The following TOX variants were observed in gnomAD, a reference collection of about 807,000 sequenced individuals.
TOX encodes thymocyte selection associated high mobility group box.
A neutral mutation model predicts 53.7 loss-of-function variants in TOX; 11 were observed. That is an observed-to-expected ratio of 0.20 (90% CI 0.13 to 0.34). TOX has a LOEUF of 0.34. TOX is among the 10% of genes least tolerant of loss of function. The probability of loss-of-function intolerance (pLI) is 1.00; values close to 1 mark genes in which losing one functional copy is unlikely to be tolerated. For synonymous variants in TOX, 225 were observed against 245.3 expected, an observed-to-expected ratio of 0.92 and a Z score of 0.77; for missense variants, 570 against 664.6, an observed-to-expected ratio of 0.86 and a Z score of 1.56.
At chr8:58,982,244 T>C (rs1327041033) in intron 1 of TOX, among the ~76,000 whole-genome samples, 2 of 152,162 alleles carry the variant, frequency 1.3e-5, no homozygotes, top group Non-Finnish European at 2.9e-5. Flanking sequence ...CATCCTAGTC[T>C]TCAAGACAGG....
intron 1 of TOX, among the ~76,000 whole-genome samples, chr8:59,065,234 C>A (rs373320456): frequency 2.7e-3 from 406 of 152,028 alleles, no homozygotes; most frequent in African/African-American, 8.6e-3. Flanking sequence ...ACAACAACAA[C>A]AAAAAAACCA....
intron 5 of TOX, among the ~76,000 whole-genome samples, chr8:58,832,637 T>C (rs954438689): frequency 2.6e-5 from 4 of 152,146 alleles, no homozygotes; most frequent in African/African-American, 9.7e-5. Flanking sequence ...GCTCTTCATA[T>C]CCCTGCTGCT....
intron 3 of TOX, among the ~76,000 whole-genome samples, chr8:58,922,426 A>G (rs1466070483): frequency 6.6e-6 from 1 of 152,214 alleles, no homozygotes; most frequent in Non-Finnish European, 1.5e-5. Flanking sequence ...ACCTGCTTCT[A>G]TGGAATCCCT....
At chr8:59,110,067 C>T (rs1204968356) in intron 1 of TOX, among the ~76,000 whole-genome samples, 1 of 152,068 alleles carries the variant, frequency 6.6e-6, no homozygotes, top group Non-Finnish European at 1.5e-5. Context: ...TAATTTATTT[C>T]AAAAAGCTTA....
intron 1 of TOX, among the ~76,000 whole-genome samples, chr8:59,073,217 T>C (rs1396756369): frequency 6.6e-6 from 1 of 152,170 alleles, no homozygotes; most frequent in Non-Finnish European, 1.5e-5. Context: ...CTTGGGAACA[T>C]GTAAACCTCT....
chr8:58,842,297 G>C (rs1157097206), intron 4 of TOX, among the ~76,000 whole-genome samples: 1 of 152,022 alleles, frequency 6.6e-6, no homozygotes, highest in Non-Finnish European at 1.5e-5. Flanking sequence ...CAATAGGCTG[G>C]GGTCCTGGAT....
At chr8:58,884,712 T>C (rs536726824) in intron 3 of TOX, among the ~76,000 whole-genome samples, 1 of 152,308 alleles carries the variant, frequency 6.6e-6, no homozygotes, top group East Asian at 1.9e-4. Context: ...GAATTACTAC[T>C]GTCCTTATAA....
intron 1 of TOX, among the ~76,000 whole-genome samples, chr8:59,086,150 T>A (rs1226006473): frequency 6.6e-6 from 1 of 151,944 alleles, no homozygotes; most frequent in Non-Finnish European, 1.5e-5. Flanking sequence ...CATGTCCAGC[T>A]AATTTTGTGT....
chr8:58,826,978 T>C (rs1810376778), intron 5 of TOX, 76 bp from the exon 6 acceptor site: 2 of 1,083,936 alleles, frequency 1.8e-6, no homozygotes, highest in Non-Finnish European at 2.7e-6. Flanking sequence ...TATAGAATGA[T>C]AACTGCACAC....
Position 58,928,807 on chromosome 8 carries a change from G to T in TOX, c.411+10495C>A, listed in dbSNP as rs183108947. Among the ~76,000 whole-genome samples the T allele has an allele frequency of 1.9e-4, 29 of 152,136 alleles. 1 individual carries two copies. Among genetic ancestry groups the T allele is most frequent in the African/African-American group, 6.7e-4 (28 of 41,512 alleles). On this transcript the variant is annotated intron_variant, in intron 3 of 8. Coordinates refer to ENST00000361421, the MANE Select transcript of TOX (RefSeq NM_014729.3). ...TCCATAGCATTTGCAAGTTTCATAC[G>T]GTATGAATTATGATCCTATCTCCAT...
chr8:59,016,729 G>A (rs1484855184), intron 1 of TOX, among the ~76,000 whole-genome samples: 5 of 152,164 alleles, frequency 3.3e-5, no homozygotes, highest in Non-Finnish European at 7.4e-5. Context: ...TATTCAAATG[G>A]ATCCAAACTA....
At chr8:59,090,990 GT>G (rs1804598274) in intron 1 of TOX, among the ~76,000 whole-genome samples, 1 of 152,098 alleles carries the variant, frequency 6.6e-6, no homozygotes, top group Non-Finnish European at 1.5e-5. Flanking sequence ...ACTCCAGCAG[GT>G]TTTCCCATGT....
chr8:58,860,693 A>G (rs1810996733), intron 3 of TOX, among the ~76,000 whole-genome samples: 2 of 152,204 alleles, frequency 1.3e-5, no homozygotes, highest in South Asian at 4.1e-4. Context: ...CCCTGGGATA[A>G]GCAGGGCAGC....
intron 2 of TOX, among the ~76,000 whole-genome samples, chr8:58,952,225 C>T (rs1424049489): frequency 6.6e-6 from 1 of 152,178 alleles, no homozygotes; most frequent in African/African-American, 2.4e-5. Flanking sequence ...AAAACTGCTT[C>T]TACTTAACAT....
chr8:58,832,759 C>A lies in TOX; in HGVS notation c.924+5322G>T, dbSNP rs571251392. Among the ~76,000 whole-genome samples the A allele has an allele frequency of 9.1e-4, 139 of 152,304 alleles. 1 individual carries two copies. The highest frequency in any genetic ancestry group is 3.1e-3 in the African/African-American group (129 of 41,556). On this transcript the variant is annotated intron_variant, in intron 5 of 8. Coordinates refer to ENST00000361421, the MANE Select transcript of TOX (RefSeq NM_014729.3). Reference sequence around the variant, plus strand: ...GAAAGAATGAGTAGGAAATTACATTCTTCCCACTTGTGTCAGATCTGCCCT... The same window carrying A: ...GAAAGAATGAGTAGGAAATTACATTATTCCCACTTGTGTCAGATCTGCCCT...
chr8:59,042,492 A>G (rs1803609300), intron 1 of TOX, among the ~76,000 whole-genome samples: 1 of 152,236 alleles, frequency 6.6e-6, no homozygotes, highest in African/African-American at 2.4e-5. Flanking sequence ...ACTTCTTTAT[A>G]GGAACTATTT....
chr8:58,881,715 T>C (rs1299024301), intron 3 of TOX, among the ~76,000 whole-genome samples: 2 of 108,518 alleles, frequency 1.8e-5, no homozygotes, highest in African/African-American at 3.6e-5. Flanking sequence ...CAGAGTGAGA[T>C]TCCATCTCAA....
At chr8:58,938,286 G>C (rs1045864723) in intron 3 of TOX, among the ~76,000 whole-genome samples, 1 of 152,170 alleles carries the variant, frequency 6.6e-6, no homozygotes, top group African/African-American at 2.4e-5. Context: ...TTAGATAAGT[G>C]ATAATATGAA....
At chr8:59,085,887 T>C (rs572436155) in intron 1 of TOX, among the ~76,000 whole-genome samples, 42 of 152,194 alleles carry the variant, frequency 2.8e-4, no homozygotes, top group African/African-American at 1.0e-3. Context: ...CTTTTGTTCC[T>C]CTGGTTCTCC....
Sources: gnomAD v4.1 joint callset for allele counts (sites outside exome capture counted in the v4.1 genomes callset) on GRCh38, gnomAD v4.1.1 for gene constraint, MANE v1.5 for transcripts, NCBI Gene and HGNC (gene_info 2026-07-23, HGNC 2026-07-21) for gene names.